Variants in ZFP14 observed in about 807,000 individuals in gnomAD.
ZFP14 encodes the protein ZFP14 zinc finger protein.
A neutral mutation model predicts 54.5 loss-of-function variants in ZFP14; 22 were observed. That is an observed-to-expected ratio of 0.40 (90% CI 0.29 to 0.58). ZFP14 has a LOEUF of 0.58. Among genes scored for constraint, ZFP14 ranks in the 20% least tolerant of loss-of-function variants. The probability of loss-of-function intolerance (pLI) is 0.39; values close to 1 mark genes in which losing one functional copy is unlikely to be tolerated. For missense variants in ZFP14, 470 were observed against 637.8 expected (o/e 0.74, Z 2.83); for synonymous variants, 159 against 204.0 (o/e 0.78, Z 1.88).
intron 4 of ZFP14, among the ~76,000 whole-genome samples, chr19:36,357,852 C>T (rs560946442): frequency 1.2e-4 from 18 of 151,682 alleles, no homozygotes; most frequent in Admixed American, 8.5e-4. Context: ...AAGAGATTCT[C>T]ATGCCTCACC....
intron 1 of ZFP14, 116 bp from the exon 2 acceptor site, chr19:36,368,087 T>C (rs1006200684): frequency 4.8e-5 from 27 of 566,454 alleles, no homozygotes; most frequent in African/African-American, 3.8e-4. Context: ...ACTACTTCCA[T>C]TGGCTTTTCC....
intron 1 of ZFP14, among the ~76,000 whole-genome samples, chr19:36,374,763 A>G (rs1157205455): frequency 6.6e-6 from 1 of 152,208 alleles, no homozygotes; most frequent in Non-Finnish European, 1.5e-5. Flanking sequence ...TTTCCCTAGC[A>G]GGACCAGTTA....
chr19:36,372,308 T>G (rs1285436696), intron 1 of ZFP14, among the ~76,000 whole-genome samples: 5 of 140,152 alleles, frequency 3.6e-5, no homozygotes, highest in Admixed American at 7.0e-5. Flanking sequence ...AAATTAAGAG[T>G]TTTTTTTTTG....
chr19:36,364,239 C>A (rs1266768673), intron 2 of ZFP14, among the ~76,000 whole-genome samples: 1 of 152,118 alleles, frequency 6.6e-6, no homozygotes, highest in African/African-American at 2.4e-5. Context: ...AGATTGACAG[C>A]AATTTGTTCG....
intron 1 of ZFP14, among the ~76,000 whole-genome samples, chr19:36,375,098 A>T (rs1425220736): frequency 6.6e-6 from 1 of 152,168 alleles, no homozygotes; most frequent in African/African-American, 2.4e-5. Flanking sequence ...GCTTCCTTTC[A>T]CATCTTCCTG....
Position 36,371,532 on chromosome 19 carries a change from A to T in ZFP14, c.-79-3561T>A, listed in dbSNP as rs181549353. Among the ~76,000 whole-genome samples, 4 of 152,326 alleles carry T rather than the reference A, an allele frequency of 2.6e-5. No homozygotes were observed. The East Asian group carries it at 7.7e-4, about 29-fold the overall frequency. Reference sequence around the variant, plus strand: ...GAAGACAAGTTATCTAAAAATATACAGTTGGATGGAAAAAAGGATGAAAAG... The same window carrying T: ...GAAGACAAGTTATCTAAAAATATACTGTTGGATGGAAAAAAGGATGAAAAG... On this transcript the variant is annotated intron_variant, in intron 1 of 4. Coordinates refer to ENST00000270001, the MANE Select transcript of ZFP14 (RefSeq NM_020917.3).
rs1262881142 is a variant in ZFP14, at chr19:36,339,735, G to A, written c.*489C>T. The A allele has an allele frequency of 6.5e-6, 1 of 153,678 alleles. No homozygotes were observed. The highest frequency in any genetic ancestry group is 1.4e-5 in the Non-Finnish European group (1 of 69,162). 9.5% of individuals were successfully genotyped at this position (153,678 alleles called of 1,614,324 possible). A position where few individuals can be genotyped will look rare whatever the true frequency, so the allele number is the denominator to read the frequency against. ...AGTTGAGCCTTCAGATGAGACCTCA[G>A]CCCTGGCTGAAATCTGTAGCCTTGC... On this transcript the variant is annotated 3_prime_UTR_variant, in exon 5 of 5. Coordinates refer to ENST00000270001, the MANE Select transcript of ZFP14 (RefSeq NM_020917.3).
intron 2 of ZFP14, chr19:36,362,759 A>G: frequency 4.2e-6 from 1 of 239,186 alleles, no homozygotes. Context: ...AAGAAATATG[A>G]GGTCTTGGGC....
At chr19:36,367,129 G>A (rs2031807156) in intron 2 of ZFP14, among the ~76,000 whole-genome samples, 1 of 151,138 alleles carries the variant, frequency 6.6e-6, no homozygotes, top group Non-Finnish European at 1.5e-5. Context: ...ACTCCAGCCT[G>A]GGTGATAAGA....
At chr19:36,343,647 T>C (rs916802116) in intron 4 of ZFP14, among the ~76,000 whole-genome samples, 1 of 152,238 alleles carries the variant, frequency 6.6e-6, no homozygotes, top group Non-Finnish European at 1.5e-5. Context: ...TATTATTATT[T>C]CTACTCTACT....
At chr19:36,345,996 T>TA (rs1310367325) in intron 4 of ZFP14, among the ~76,000 whole-genome samples, 1 of 151,908 alleles carries the variant, frequency 6.6e-6, no homozygotes, top group East Asian at 1.9e-4. Flanking sequence ...GAAAGACATA[T>TA]AAAAAATCCA....
At position 36,362,157 on chromosome 19, in the gene ZFP14, A is replaced by G. The variant is rs1403274580; in HGVS notation, c.91T>C (p.Tyr31His). 7 of 1,612,354 alleles carry G rather than the reference A, an allele frequency of 4.3e-6. No homozygotes were observed. The highest frequency in any genetic ancestry group is 1.7e-5 in the Admixed American group (1 of 59,824). ...TAGTTCTCCCACATTACATCCCTAT[A>G]TAAGTCCCTCTGAGCAGGATCCAGG... ...EFLDPAQRDL[Y>H]RDVMWENYSN... is the part of the protein sequence containing the mutation. The change falls in exon 3 of 5, where the codon TAT becomes CAT. Residue 31 changes from tyrosine to histidine, a missense_variant. Coordinates refer to ENST00000270001, the MANE Select transcript of ZFP14 (RefSeq NM_020917.3).
At chr19:36,359,180 G>A (rs2031668816) in intron 4 of ZFP14, among the ~76,000 whole-genome samples, 1 of 151,476 alleles carries the variant, frequency 6.6e-6, no homozygotes, top group South Asian at 2.1e-4. Context: ...TGATCATACG[G>A]TCTTTCATTT....
rs2031289838 is a variant in ZFP14, at chr19:36,340,554, A to G, written c.1272T>C (p.Tyr424=). Reference sequence around the variant, plus strand: ...AGGCCTTTCCACACTCTTCACATTCATAGGGTCTCTCACCAATATGAATGC... The same window carrying G: ...AGGCCTTTCCACACTCTTCACATTCGTAGGGTCTCTCACCAATATGAATGC... ...HQSIHIGERP[Y]ECEECGKAFR... The change falls in exon 5 of 5, where the codon TAT becomes TAC. Residue 424 remains tyrosine, a synonymous_variant. Coordinates refer to ENST00000270001, the MANE Select transcript of ZFP14 (RefSeq NM_020917.3). This position sits in a 1 kb window ranked among gnomAD's most constrained non-coding sequence, Gnocchi z 5.4. 6.2e-7 allele frequency: 1 copy of G among 1,614,136 alleles called. No individual in the cohort carries two copies. The highest frequency in any genetic ancestry group is 8.5e-7 in the Non-Finnish European group (1 of 1,180,016).
In ZFP14 at chr19:36,360,543, A is replaced by AG; in HGVS notation, c.137-11dup. On this transcript the variant is annotated splice_polypyrimidine_tract_variant and intron_variant, in intron 3 of 4. Transcript: ENST00000270001. ...TTAGAAATGGAAGGTCCTGCTTAAA[A>AG]GAAAAATGTGACATGGAATTATACA... The AG allele has an allele frequency of 1.2e-6, 2 of 1,604,288 alleles. No individual in the cohort carries two copies. The highest frequency in any genetic ancestry group is 8.5e-7 in the Non-Finnish European group (1 of 1,176,050).
At chr19:36,378,288 C>G (rs2031994948) in intron 1 of ZFP14, 1 of 152,160 alleles carries the variant, frequency 6.6e-6, no homozygotes, top group South Asian at 2.1e-4. Flanking sequence ...AAAATGAAAA[C>G]AGCAAAGCAA....
chr19:36,360,044 G>C (rs1003115541), intron 4 of ZFP14: 3 of 153,310 alleles, frequency 2.0e-5, no homozygotes, highest in African/African-American at 7.2e-5. Flanking sequence ...TAAAAAGAGA[G>C]AATGTAAATT....
intron 4 of ZFP14, among the ~76,000 whole-genome samples, chr19:36,343,859 T>C (rs1318312495): frequency 6.6e-6 from 1 of 152,110 alleles, no homozygotes; most frequent in Admixed American, 6.6e-5. Flanking sequence ...TGTGTCCCAC[T>C]CCCATAATAA....
chr19:36,360,836 CA>C lies in ZFP14; in HGVS notation c.137-304del, dbSNP rs1213800332. ...AGGCAGTATTGTGTAGAGGGAAGAA[CA>C]CAGACTGGATCCAGACTGCCTGGCT... On this transcript the variant is annotated intron_variant, in intron 3 of 4. Transcript: ENST00000270001. Among the ~76,000 whole-genome samples, 3 of 152,284 alleles carry C rather than the reference CA, an allele frequency of 2.0e-5. 1 individual carries two copies. The highest frequency in any genetic ancestry group is 4.4e-5 in the Non-Finnish European group (3 of 68,030).
Sources: gnomAD v4.1 joint callset for allele counts (sites outside exome capture counted in the v4.1 genomes callset) on GRCh38, gnomAD v4.1.1 for gene constraint, Gnocchi (gnomAD v3.1) non-coding constraint, MANE v1.5 for transcripts, NCBI Gene and HGNC (gene_info 2026-07-23, HGNC 2026-07-21) for gene names.